The following TSEN2 variants were observed in gnomAD, a reference collection of about 807,000 sequenced individuals.
TSEN2 encodes tRNA splicing endonuclease subunit 2.
TSEN2 carries 54 observed loss-of-function variants against 59.2 expected under a neutral mutation model. The observed-to-expected ratio is 0.91, with a 90% CI of 0.73 to 1.14. The LOEUF (loss-of-function observed/expected upper bound fraction) is 1.14, where lower values mean the gene tolerates loss of function less well. Among genes scored for constraint, TSEN2 ranks in the 50% most tolerant of loss-of-function variants. TSEN2 has a pLI of 0.00. For missense variants in TSEN2, 636 were observed against 576.2 expected, an observed-to-expected ratio of 1.10 and a Z score of -1.06; for synonymous variants, 195 against 198.2, an observed-to-expected ratio of 0.98 and a Z score of 0.14.
At chr3:12,505,343 G>A in intron 6 of TSEN2, 112 bp downstream of exon 6, 1 of 758,918 alleles carries the variant, frequency 1.3e-6, no homozygotes, top group Non-Finnish European at 2.4e-6. Context: ...ATTGAATATT[G>A]TAATTCAGTA....
chr3:12,537,147 G>T (rs1482276969), downstream of TSEN2, among the ~76,000 whole-genome samples: 2 of 151,890 alleles, frequency 1.3e-5, no homozygotes, highest in Non-Finnish European at 2.9e-5. Context: ...TGAAAATTAA[G>T]GGGTGAGAAT....
downstream of TSEN2, among the ~76,000 whole-genome samples, chr3:12,538,316 A>G (rs994496840): frequency 9.2e-5 from 14 of 152,204 alleles, no homozygotes; most frequent in African/African-American, 2.7e-4. Flanking sequence ...CGGGCTCCCG[A>G]AAGAGGGTGT....
At chr3:12,481,394 C>G (rs1321375620), upstream of TSEN2, among the ~76,000 whole-genome samples, 1 of 152,188 alleles carries the variant, frequency 6.6e-6, no homozygotes, top group Non-Finnish European at 1.5e-5. Flanking sequence ...ACACAGTGTG[C>G]ACATTCCCAG....
intron 4 of TSEN2, among the ~76,000 whole-genome samples, chr3:12,498,542 A>G (rs972986659): frequency 6.6e-6 from 1 of 152,180 alleles, no homozygotes; most frequent in Non-Finnish European, 1.5e-5. Flanking sequence ...TGAATCCTGC[A>G]TCTTTTTTGC....
chr3:12,495,093 T>C (rs963066004), intron 3 of TSEN2, among the ~76,000 whole-genome samples: 1 of 131,466 alleles, frequency 7.6e-6, no homozygotes, highest in African/African-American at 3.1e-5. Flanking sequence ...GCCACTGCAT[T>C]TCAGCCTGGG....
chr3:12,510,484 A>C (rs190140408), intron 6 of TSEN2, among the ~76,000 whole-genome samples: 13 of 152,370 alleles, frequency 8.5e-5, no homozygotes, highest in African/African-American at 3.1e-4. Flanking sequence ...TAAAGACAAT[A>C]GTCCCCACAC....
downstream of TSEN2, among the ~76,000 whole-genome samples, chr3:12,534,158 G>A (rs1258000803): frequency 6.6e-6 from 1 of 152,146 alleles, no homozygotes; most frequent in Admixed American, 6.5e-5. Context: ...CCACCACATC[G>A]GGCAGGGCCA....
At position 12,503,659 on chromosome 3, in the gene TSEN2, C is replaced by G; in HGVS notation, c.706C>G (p.His236Asp). Residue 236 changes from histidine (H) to aspartate (D), a missense_variant, in exon 5 of 12, where the codon CAT (histidine) becomes GAT (aspartate). Transcript: ENST00000284995. ...DALILQRGLH[H>D]EDGSQHIGLL... ...TCTCATCCTCCAGCGTGGCCTTCAT[C>G]ATGAAGACGGCAGCCAGCACATCGG... is the stretch of plus-strand genomic sequence containing the variant. The G allele has an allele frequency of 1.2e-6, 2 of 1,605,566 alleles. No homozygotes were observed. The highest frequency in any genetic ancestry group is 1.7e-6 in the Non-Finnish European group (2 of 1,175,744).
Position 12,516,658 on chromosome 3 carries a change from G to A in TSEN2, c.957G>A (p.Glu319=). The change falls in exon 7 of 12, where the codon GAG becomes GAA. Residue 319 remains glutamate, a synonymous_variant. Coordinates refer to ENST00000284995, the MANE Select transcript of TSEN2 (RefSeq NM_025265.4). ...TGGGATGTTTAAGTATTTACTATGA[G>A]AAGGTAAGATGCTTTGTTTACATAC... ...YALGCLSIYY[E]KEPLTIVKLW... is the part of the protein sequence containing the mutation. The A allele has an allele frequency of 6.2e-7, 1 of 1,613,916 alleles. No homozygotes were observed. Among genetic ancestry groups the A allele is most frequent in the South Asian group, 1.1e-5 (1 of 91,066 alleles).
At chr3:12,514,613 A>C (rs1178213385) in intron 6 of TSEN2, 1 of 152,220 alleles carries the variant, frequency 6.6e-6, no homozygotes, top group Non-Finnish European at 1.5e-5. Context: ...GTAAAACTAA[A>C]GTAGTGGTCC....
intron 6 of TSEN2, among the ~76,000 whole-genome samples, chr3:12,515,762 G>A (rs1443381580): frequency 6.6e-6 from 1 of 152,136 alleles, no homozygotes; most frequent in East Asian, 1.9e-4. Context: ...ATATCATTAT[G>A]TGAGGTCAGT....
chr3:12,539,243 C>T (rs1369736924), exon 11 of TSEN2: 7 of 395,458 alleles, frequency 1.8e-5, no homozygotes, highest in Non-Finnish European at 3.4e-5. Context: ...AAGCGATTCT[C>T]ATGCCTCAGC....
intron 9 of TSEN2, among the ~76,000 whole-genome samples, chr3:12,529,431 A>G (rs2057317944): frequency 6.9e-6 from 1 of 145,580 alleles, no homozygotes; most frequent in African/African-American, 2.6e-5. Context: ...GCACCACTGC[A>G]CTCCAGCGTG....
At chr3:12,505,573 G>C in intron 6 of TSEN2, 1 of 262,582 alleles carries the variant, frequency 3.8e-6, no homozygotes, top group Non-Finnish European at 7.5e-6. Flanking sequence ...AGGATCACCT[G>C]AGGTCAGGAG....
intron 8 of TSEN2, 51 bp from the exon 9 acceptor site, chr3:12,528,837 C>T (rs1430609474): frequency 1.3e-6 from 2 of 1,598,990 alleles, no homozygotes; most frequent in Non-Finnish European, 1.7e-6. Flanking sequence ...TCTTACTCCT[C>T]TCTCATTATT....
rs751689610 is a variant in TSEN2, at chr3:12,531,694, A to G, written c.1338+35A>G. The G allele has an allele frequency of 6.7e-6, 9 of 1,338,884 alleles. No homozygotes were observed. In the African/African-American group the frequency reaches 1.3e-4, roughly 19 times the overall value. 82.9% of individuals were successfully genotyped at this position (1,338,884 alleles called of 1,614,324 possible). On this transcript the variant is annotated intron_variant, in intron 11 of 11. Coordinates refer to ENST00000284995, the MANE Select transcript of TSEN2 (RefSeq NM_025265.4). ...CTCAGAGAAATTCATGTCATCCCAA[A>G]GATTCTGTGAATCATAGTGTATCTG...
chr3:12,531,862 T>C (rs2057480579), intron 11 of TSEN2, among the ~76,000 whole-genome samples: 1 of 152,150 alleles, frequency 6.6e-6, no homozygotes, highest in Non-Finnish European at 1.5e-5. Flanking sequence ...ATTCCTTAAT[T>C]CCCCACTTTA....
At chr3:12,512,757 G>A (rs940237657) in intron 6 of TSEN2, among the ~76,000 whole-genome samples, 14 of 152,164 alleles carry the variant, frequency 9.2e-5, no homozygotes, top group African/African-American at 1.7e-4. Flanking sequence ...TTTGTGAACC[G>A]GTCATGGTGA....
At chr3:12,485,774 T>C (rs925958789) in intron 1 of TSEN2, among the ~76,000 whole-genome samples, 2 of 152,192 alleles carry the variant, frequency 1.3e-5, no homozygotes, top group Non-Finnish European at 2.9e-5. Flanking sequence ...AACCTTTGCA[T>C]CCCAAACCTC....
Sources: gnomAD v4.1 joint callset for allele counts (sites outside exome capture counted in the v4.1 genomes callset) on GRCh38, gnomAD v4.1.1 for gene constraint, MANE v1.5 for transcripts, NCBI Gene and HGNC (gene_info 2026-07-23, HGNC 2026-07-21) for gene names.